The following GMDS variants were observed in gnomAD, a reference collection of about 807,000 sequenced individuals.
GMDS encodes the protein GDP-mannose 4,6-dehydratase, also known as GDP-mannose 4,6 dehydratase.
Under a neutral mutation model 49.9 loss-of-function variants are expected in GMDS, and 20 were observed. The ratio of observed to expected loss-of-function variants is 0.40; its 90% CI spans 0.28 to 0.58. The LOEUF (loss-of-function observed/expected upper bound fraction) is 0.58, where lower values mean the gene tolerates loss of function less well. GMDS is among the 20% of genes least tolerant of loss of function. The pLI is 0.42. For missense variants in GMDS, 362 were observed against 481.4 expected, an observed-to-expected ratio of 0.75 and a Z score of 2.32; for synonymous variants, 177 against 178.6, an observed-to-expected ratio of 0.99 and a Z score of 0.07.
intron 4 of GMDS, among the ~76,000 whole-genome samples, chr6:1,989,805 G>C (rs920490719): frequency 6.6e-6 from 1 of 152,224 alleles, no homozygotes; most frequent in African/African-American, 2.4e-5. Flanking sequence ...GCCTTCCCTG[G>C]TCTGGAGCAC....
intron 6 of GMDS, among the ~76,000 whole-genome samples, chr6:1,955,549 C>T: frequency 6.6e-6 from 1 of 152,056 alleles, no homozygotes; most frequent in Non-Finnish European, 1.5e-5. Context: ...AAGTCTATAG[C>T]ACAAGTGCCA....
intron 9 of GMDS, among the ~76,000 whole-genome samples, chr6:1,684,241 A>G (rs1294140889): frequency 2.6e-5 from 4 of 152,168 alleles, no homozygotes; most frequent in Non-Finnish European, 5.9e-5. Context: ...GGGCGGCTGG[A>G]AGTCTCCCGT....
At chr6:1,948,337 C>T (rs1415656272) in intron 6 of GMDS, among the ~76,000 whole-genome samples, 1 of 152,168 alleles carries the variant, frequency 6.6e-6, no homozygotes, top group East Asian at 1.9e-4. Flanking sequence ...TTTCCACTTA[C>T]AATTAACAAA....
At chr6:2,099,854 A>G (rs899625965) in intron 4 of GMDS, among the ~76,000 whole-genome samples, 1 of 152,136 alleles carries the variant, frequency 6.6e-6, no homozygotes, top group Non-Finnish European at 1.5e-5. Context: ...GATTTTTAAA[A>G]GAAACTGAAC....
At chr6:2,036,687 A>G (rs769786057) in intron 4 of GMDS, among the ~76,000 whole-genome samples, 2 of 152,244 alleles carry the variant, frequency 1.3e-5, no homozygotes, top group Non-Finnish European at 2.9e-5. Flanking sequence ...AATGTCAGAA[A>G]GTAAATATAG....
chr6:2,174,296 T>C (rs234928), intron 1 of GMDS, among the ~76,000 whole-genome samples: 6,185 of 152,282 alleles, frequency 0.041, 254 homozygotes, highest in South Asian at 0.13. Context: ...AGAGAATGTT[T>C]GAATACCATT....
chr6:1,682,260 G>A (rs531159009), intron 9 of GMDS, among the ~76,000 whole-genome samples: 1 of 152,262 alleles, frequency 6.6e-6, no homozygotes, highest in Non-Finnish European at 1.5e-5. Flanking sequence ...GGAGTAAAAG[G>A]AATCTATGTC....
chr6:1,645,773 G>A (rs775311954), intron 9 of GMDS, among the ~76,000 whole-genome samples: 25 of 152,180 alleles, frequency 1.6e-4, no homozygotes, highest in Non-Finnish European at 3.1e-4. Context: ...CATGGCCACC[G>A]CAGCGTCACC....
intron 4 of GMDS, among the ~76,000 whole-genome samples, chr6:2,037,127 T>C (rs1280986091): frequency 6.6e-6 from 1 of 152,098 alleles, no homozygotes; most frequent in Non-Finnish European, 1.5e-5. Context: ...AGGCAAACTG[T>C]CTGGGTATCA....
chr6:2,108,114 G>A lies in GMDS; in HGVS notation c.345+7657C>T, dbSNP rs1421399530. ...GACCCAATATGAAGTTACAGTTTGT[G>A]TATACTAATATATGGACAAAAATGT... On this transcript the variant is annotated intron_variant, in intron 4 of 10. Transcript: ENST00000380815. 3.3e-5 allele frequency among the ~76,000 whole-genome samples: 5 copies of A among 152,208 alleles called. No individual in the cohort carries two copies. In the South Asian group the frequency reaches 8.3e-4, roughly 25 times the overall value.
intron 1 of GMDS, among the ~76,000 whole-genome samples, chr6:2,133,719 C>G (rs1480227848): frequency 6.6e-6 from 1 of 152,084 alleles, no homozygotes; most frequent in Admixed American, 6.6e-5. Flanking sequence ...GAAAAATAGA[C>G]AAAATTCAAG....
At chr6:2,118,221 G>A (rs928280293) in intron 2 of GMDS, among the ~76,000 whole-genome samples, 1 of 152,154 alleles carries the variant, frequency 6.6e-6, no homozygotes, top group African/African-American at 2.4e-5. Flanking sequence ...GATAAAACAG[G>A]AATGTAATGC....
chr6:1,900,129 G>A (rs1760424873), intron 7 of GMDS, among the ~76,000 whole-genome samples: 1 of 152,198 alleles, frequency 6.6e-6, no homozygotes, highest in Non-Finnish European at 1.5e-5. Flanking sequence ...AAGCTTGGAG[G>A]AGCAGGGAGC....
At chr6:1,981,231 C>CA (rs58438955) in intron 4 of GMDS, among the ~76,000 whole-genome samples, 6,296 of 133,268 alleles carry the variant, frequency 0.047, 391 homozygotes, top group African/African-American at 0.16. Context: ...AAAAAACCTG[C>CA]AAAAAAAAAA....
chr6:2,040,026 A>G (rs1205874559), intron 4 of GMDS, among the ~76,000 whole-genome samples: 1 of 152,230 alleles, frequency 6.6e-6, no homozygotes, highest in East Asian at 1.9e-4. Flanking sequence ...CAACATCACT[A>G]GGTGATAGAA....
chr6:1,873,934 C>T (rs1446070600), intron 7 of GMDS, among the ~76,000 whole-genome samples: 1 of 152,226 alleles, frequency 6.6e-6, no homozygotes, highest in Non-Finnish European at 1.5e-5. Flanking sequence ...TCACATGAAA[C>T]AATCAATCGA....
chr6:1,777,173 C>A (rs1241473064), intron 7 of GMDS, among the ~76,000 whole-genome samples: 1 of 152,262 alleles, frequency 6.6e-6, no homozygotes, highest in African/African-American at 2.4e-5. Context: ...CTCACGCCGG[C>A]AGTGAAACAG....
intron 4 of GMDS, among the ~76,000 whole-genome samples, chr6:2,090,085 T>C (rs1237335691): frequency 1.3e-5 from 2 of 152,232 alleles, no homozygotes; most frequent in African/African-American, 4.8e-5. Context: ...CCCACAAGTA[T>C]CAGCCTGATA....
intron 9 of GMDS, among the ~76,000 whole-genome samples, chr6:1,722,687 C>T (rs1766427517): frequency 1.3e-5 from 2 of 152,172 alleles, no homozygotes; most frequent in Admixed American, 6.5e-5. Flanking sequence ...TGCCTATGGT[C>T]GCACAGCTAG....
Sources: allele counts gnomAD v4.1 joint callset (sites outside exome capture counted in the v4.1 genomes callset), GRCh38; gene constraint gnomAD v4.1.1; transcripts MANE v1.5; gene names NCBI Gene and HGNC (gene_info 2026-07-23, HGNC 2026-07-21).